Variants in NFAT5 observed in about 807,000 individuals in gnomAD.
NFAT5 encodes nuclear factor of activated T-cells 5.
In NFAT5, 31 loss-of-function variants were observed where a neutral mutation model predicts 166.5. The ratio of observed to expected loss-of-function variants is 0.19; its 90% CI spans 0.14 to 0.25. The LOEUF (loss-of-function observed/expected upper bound fraction) is 0.25, where lower values mean the gene tolerates loss of function less well. NFAT5 is among the 10% of genes least tolerant of loss of function. The probability of loss-of-function intolerance (pLI) is 1.00; values close to 1 mark genes in which losing one functional copy is unlikely to be tolerated. For synonymous variants in NFAT5, 612 were observed against 639.7 expected, an observed-to-expected ratio of 0.96 and a Z score of 0.65; for missense variants, 1,449 against 1,821.8, an observed-to-expected ratio of 0.80 and a Z score of 3.72.
At chr16:69,637,754 T>C (rs2035028619) in intron 3 of NFAT5, among the ~76,000 whole-genome samples, 1 of 152,170 alleles carries the variant, frequency 6.6e-6, no homozygotes, top group South Asian at 2.1e-4. Flanking sequence ...TGGGGATACA[T>C]AGCTAAACCA....
intron 2 of NFAT5, among the ~76,000 whole-genome samples, chr16:69,593,974 A>T (rs2032634861): frequency 6.6e-6 from 1 of 152,176 alleles, no homozygotes; most frequent in Non-Finnish European, 1.5e-5. Flanking sequence ...TAGGTTCAGG[A>T]AAATGTGCTT....
intron 7 of NFAT5, among the ~76,000 whole-genome samples, chr16:69,668,452 CATA>C (rs1186831589): frequency 6.6e-6 from 1 of 152,130 alleles, no homozygotes; most frequent in Non-Finnish European, 1.5e-5. Context: ...TTTGCATATA[CATA>C]ATGAGGTTTC....
At chr16:69,648,745 C>T (rs2035552663) in intron 4 of NFAT5, 7 of 973,448 alleles carry the variant, frequency 7.2e-6, no homozygotes, top group Non-Finnish European at 7.3e-6. Context: ...GACCCAGGAT[C>T]TCCTACAATT....
intron 2 of NFAT5, among the ~76,000 whole-genome samples, chr16:69,584,917 T>A (rs542405621): frequency 1.3e-5 from 2 of 152,286 alleles, no homozygotes; most frequent in East Asian, 3.9e-4. Context: ...TATATATACA[T>A]GTATATATAT....
At position 69,568,516 on chromosome 16, in the gene NFAT5, C is replaced by T. The variant is rs778913766; in HGVS notation, c.95C>T (p.Ser32Leu). The T allele has an allele frequency of 2.5e-6, 4 of 1,613,162 alleles. No homozygotes were observed. The highest frequency in any genetic ancestry group is 3.4e-6 in the Non-Finnish European group (4 of 1,179,550). The stretch of plus-strand genomic sequence containing the variant: ...TCAGATTCTCTGAAGTTACACCCAT[C>T]ACAGAATTTTCATAGAGCTGGACTA... ...YSRDSLKLHP[S>L]QNFHRAGLLE... The change falls in exon 2 of 15, where the codon TCA becomes TTA. Residue 32 changes from serine (S) to leucine (L), a missense_variant. Physicochemically the swap from Ser to Leu is moderately radical, Grantham distance 145. Coordinates refer to ENST00000349945, the MANE Select transcript of NFAT5 (RefSeq NM_138713.4).
chr16:69,586,671 G>T (rs2032087140), intron 2 of NFAT5, among the ~76,000 whole-genome samples: 1 of 152,104 alleles, frequency 6.6e-6, no homozygotes, highest in African/African-American at 2.4e-5. Context: ...CCGAAGTGCT[G>T]AGATTACAGG....
intron 4 of NFAT5, among the ~76,000 whole-genome samples, chr16:69,651,860 C>G (rs907913006): frequency 1.3e-5 from 2 of 151,784 alleles, no homozygotes; most frequent in Non-Finnish European, 2.9e-5. Flanking sequence ...TTAGTAGAGA[C>G]GGGGTTTCAC....
At position 69,692,648 on chromosome 16, in the gene NFAT5, T is replaced by C. The variant is rs772261935; in HGVS notation, c.2823T>C (p.Asn941=). Reference sequence around the variant, plus strand: ...TATTCCCTTCAACTGCTTCAGCAAATGGAAACCTTCAGCAATCGCCAGTTT... The same window carrying C: ...TATTCCCTTCAACTGCTTCAGCAAACGGAAACCTTCAGCAATCGCCAGTTT... The part of the protein sequence containing the change: ...SELFPSTASA[N]GNLQQSPVYQ... Residue 941 remains asparagine, a synonymous_variant, in exon 13 of 15, where the codon AAT becomes AAC. Transcript: ENST00000349945. The C allele has an allele frequency of 1.1e-5, 18 of 1,614,094 alleles. No homozygotes were observed. The highest frequency in any genetic ancestry group is 1.4e-5 in the Non-Finnish European group (16 of 1,180,046).
At chr16:69,674,241 CAAAAAAAAAA>C (rs59975972) in intron 9 of NFAT5, among the ~76,000 whole-genome samples, 1 of 71,358 alleles carries the variant, frequency 1.4e-5, no homozygotes, top group Non-Finnish European at 2.7e-5. Flanking sequence ...GAAACTGTCT[CAAAAAAAAAA>C]AAAAAAAAAA....
At chr16:69,567,739 G>A (rs72801305) in intron 1 of NFAT5, among the ~76,000 whole-genome samples, 9,301 of 151,924 alleles carry the variant, frequency 0.061, 305 homozygotes, top group Middle Eastern at 0.11. Context: ...GATGTTTTTC[G>A]GGCAACATTA....
chr16:69,626,310 A>G lies in NFAT5; in HGVS notation c.128-93A>G. ...GTTTGTGAATAATACAGTTCTCCTCATGAGAGAAAAGACATACTCATTTTG... is the reference window on the plus strand; with the variant it reads ...GTTTGTGAATAATACAGTTCTCCTCGTGAGAGAAAAGACATACTCATTTTG... On this transcript the variant is annotated intron_variant, in intron 2 of 14. Transcript: ENST00000349945. 7 of 1,172,994 alleles carry G rather than the reference A, an allele frequency of 6.0e-6. No homozygotes were observed. In the South Asian group the frequency reaches 1.1e-4, roughly 19 times the overall value. 72.7% of individuals were successfully genotyped at this position (1,172,994 alleles called of 1,614,324 possible). A position where few individuals can be genotyped will look rare whatever the true frequency, so the allele number is the denominator to read the frequency against.
intron 7 of NFAT5, among the ~76,000 whole-genome samples, chr16:69,667,001 G>T (rs1390151409): frequency 6.6e-6 from 1 of 151,700 alleles, no homozygotes; most frequent in Non-Finnish European, 1.5e-5. Flanking sequence ...CATAAAAAAT[G>T]ATGAGTTCAT....
At chr16:69,660,175 CT>C (rs1401996699) in intron 7 of NFAT5, among the ~76,000 whole-genome samples, 2 of 152,210 alleles carry the variant, frequency 1.3e-5, no homozygotes, top group Non-Finnish European at 2.9e-5. Flanking sequence ...GCTCCCAGCA[CT>C]TTGGGAGGCC....
At chr16:69,648,189 A>C (rs933297641) in intron 4 of NFAT5, 43 of 982,240 alleles carry the variant, frequency 4.4e-5, no homozygotes, top group African/African-American at 3.2e-4. Flanking sequence ...AAAAAAAAAA[A>C]CACCAAAAAA....
chr16:69,588,980 C>CTTTTTTTT lies in NFAT5; in HGVS notation c.127+20456_127+20463dup, dbSNP rs945918292. 5.3e-3 allele frequency among the ~76,000 whole-genome samples: 181 copies of CTTTTTTTT among 34,340 alleles called. 13 individuals are homozygous for CTTTTTTTT. The highest frequency in any genetic ancestry group is 0.015 in the East Asian group (11 of 756). The allele number at this position is 34,340 out of a possible 152,430, so 22.5% of individuals were successfully genotyped here. On this transcript the variant is annotated intron_variant, in intron 2 of 14. Transcript: ENST00000349945. ...GACCCTCCCTCCTCTTTTCCTACTT[C>CTTTTTTTT]TTTTTTTTTTTTTTTTTTTTTTTTT...
chr16:69,569,208 AT>A (rs2016289426), intron 2 of NFAT5, among the ~76,000 whole-genome samples: 2 of 151,916 alleles, frequency 1.3e-5, no homozygotes, highest in African/African-American at 4.8e-5. Flanking sequence ...GTTTTTGTAG[AT>A]TTTGAAGTGA....
intron 3 of NFAT5, among the ~76,000 whole-genome samples, chr16:69,639,724 G>T (rs553949386): frequency 6.6e-6 from 1 of 152,212 alleles, no homozygotes; most frequent in African/African-American, 2.4e-5. Context: ...TAAAATATAG[G>T]TTTTTTTACA....
At position 69,654,424 on chromosome 16, in the gene NFAT5, C is replaced by T. The variant is rs117925409; in HGVS notation, c.1005+996C>T. 4.6e-4 allele frequency among the ~76,000 whole-genome samples: 70 copies of T among 152,278 alleles called. 1 individual carries two copies. The highest frequency in any genetic ancestry group is 3.4e-3 in the Middle Eastern group (1 of 294). On this transcript the variant is annotated intron_variant, in intron 5 of 14. Coordinates refer to ENST00000349945, the MANE Select transcript of NFAT5 (RefSeq NM_138713.4). ...TTGTTAATAGTCACGTGTACAATAT[C>T]AAGTCTACCCTTCTTCACTACATAC...
In NFAT5 at chr16:69,692,537, A is replaced by ACAG; in HGVS notation, c.2715_2717dup (p.Gln906dup). 1 of 1,614,114 alleles carries ACAG rather than the reference A, an allele frequency of 6.2e-7. No individual in the cohort carries two copies. The highest frequency in any genetic ancestry group is 8.5e-7 in the Non-Finnish European group (1 of 1,180,004). On this transcript the variant is annotated inframe_insertion, in exon 13 of 15. Coordinates refer to ENST00000349945, the MANE Select transcript of NFAT5 (RefSeq NM_138713.4). ...ATCAACAGCAGCAGCAGCAGCAGCAACAGCAAGTGATGGAATCTTCAGCCG... is the reference window on the plus strand; with the variant it reads ...ATCAACAGCAGCAGCAGCAGCAGCAACAGCAGCAAGTGATGGAATCTTCAGCCG...
Sources: allele counts gnomAD v4.1 joint callset (sites outside exome capture counted in the v4.1 genomes callset), GRCh38; gene constraint gnomAD v4.1.1; transcripts MANE v1.5; gene names NCBI Gene and HGNC (gene_info 2026-07-23, HGNC 2026-07-21).